The following RCAN1 variants were observed in gnomAD, a reference collection of about 807,000 sequenced individuals.
RCAN1 encodes calcipressin-1.
In RCAN1, 11 loss-of-function variants were observed where a neutral mutation model predicts 22.9. The ratio of observed to expected loss-of-function variants is 0.48; its 90% CI spans 0.30 to 0.79. The LOEUF (loss-of-function observed/expected upper bound fraction) is 0.79, where lower values mean the gene tolerates loss of function less well. Ranked by LOEUF, RCAN1 falls within the 30% of genes least tolerant of loss-of-function variation. RCAN1 has a pLI of 0.06. For synonymous variants in RCAN1, 136 were observed against 142.3 expected (o/e 0.96, Z 0.32); for missense variants, 291 against 337.8 (o/e 0.86, Z 1.09).
At chr21:34,599,430 C>T (rs530497194) in intron 1 of RCAN1, among the ~76,000 whole-genome samples, 61 of 152,168 alleles carry the variant, frequency 4.0e-4, no homozygotes, top group African/African-American at 1.3e-3. Context: ...GCCGAGATCA[C>T]GCCACTGCAC....
Position 34,530,223 on chromosome 21 carries a change from C to G in RCAN1, c.253-6513G>C, listed in dbSNP as rs1396079452. The stretch of plus-strand genomic sequence containing the variant: ...TCAACTGAGAGCTTTAGAAGTTTTG[C>G]ATTTCTTCCACTCACACCATAAAAA... On this transcript the variant is annotated intron_variant, in intron 1 of 3. Transcript: ENST00000313806. Among the ~76,000 whole-genome samples the G allele has an allele frequency of 3.3e-5, 5 of 152,330 alleles. No homozygotes were observed. The East Asian group carries it at 9.6e-4, about 29-fold the overall frequency.
intron 1 of RCAN1, chr21:34,526,950 C>T (rs75026481): frequency 0.034 from 46,892 of 1,380,328 alleles, 930 homozygotes; most frequent in Non-Finnish European, 0.039. Context: ...GTCCTGCATG[C>T]TTGCAGGCAG....
chr21:34,593,686 G>GT (rs1337300078), intron 1 of RCAN1, among the ~76,000 whole-genome samples: 1 of 152,206 alleles, frequency 6.6e-6, no homozygotes, highest in African/African-American at 2.4e-5. Context: ...GTGTTGGGAG[G>GT]TCGGGCTGAG....
At chr21:34,574,008 C>A (rs77465194) in intron 1 of RCAN1, among the ~76,000 whole-genome samples, 2,031 of 152,238 alleles carry the variant, frequency 0.013, 47 homozygotes, top group East Asian at 0.093. Flanking sequence ...AATCAAAGGG[C>A]AGAGCTTAAG....
At chr21:34,590,506 A>C (rs1460395435) in intron 1 of RCAN1, among the ~76,000 whole-genome samples, 2 of 152,260 alleles carry the variant, frequency 1.3e-5, no homozygotes, top group African/African-American at 4.8e-5. Flanking sequence ...CTACAGGCAA[A>C]AAAACTGTCC....
intron 1 of RCAN1, among the ~76,000 whole-genome samples, chr21:34,532,181 A>G (rs578165355): frequency 2.3e-4 from 35 of 152,220 alleles, no homozygotes; most frequent in South Asian, 4.2e-4. Flanking sequence ...GTGATCAGAC[A>G]TCACCTGACG....
chr21:34,556,673 A>G (rs941331988), intron 1 of RCAN1, among the ~76,000 whole-genome samples: 3 of 152,214 alleles, frequency 2.0e-5, no homozygotes, highest in Non-Finnish European at 4.4e-5. Context: ...ATTGTAATAC[A>G]GTCAGTAGCA....
intron 1 of RCAN1, among the ~76,000 whole-genome samples, chr21:34,540,334 G>A (rs1177954550): frequency 1.3e-5 from 2 of 152,150 alleles, no homozygotes; most frequent in Non-Finnish European, 1.5e-5. Context: ...GGCTCTTCCG[G>A]GGCTGGGTGC....
rs568499074 is a variant in RCAN1 at position 34,563,514 on chromosome 21, G to A, written c.253-39804C>T. The stretch of plus-strand genomic sequence containing the variant: ...GAGTGCTGGTTTATCAGCACCAAGG[G>A]CAGGGAAGCATGAAAAGGCTTCCAG... On this transcript the variant is annotated intron_variant, in intron 1 of 3. Transcript: ENST00000313806. 1.5e-3 allele frequency among the ~76,000 whole-genome samples: 225 copies of A among 152,096 alleles called. 1 individual carries two copies. Among genetic ancestry groups the A allele is most frequent in the African/African-American group, 5.1e-3 (212 of 41,486 alleles).
intron 1 of RCAN1, among the ~76,000 whole-genome samples, chr21:34,553,071 T>A (rs1036343716): frequency 2.2e-4 from 34 of 152,128 alleles, no homozygotes; most frequent in African/African-American, 8.0e-4. Flanking sequence ...ATGGCAGAGA[T>A]CTAGAAGCGG....
At chr21:34,524,945 G>A (rs545423560) in intron 1 of RCAN1, 9 of 1,384,256 alleles carry the variant, frequency 6.5e-6, no homozygotes, top group South Asian at 4.5e-5. Context: ...TCTAGTCGCC[G>A]GGTTTTGTGA....
intron 1 of RCAN1, among the ~76,000 whole-genome samples, chr21:34,541,784 A>G (rs1463076257): frequency 6.6e-6 from 1 of 152,196 alleles, no homozygotes; most frequent in Non-Finnish European, 1.5e-5. Context: ...AACACAAAAA[A>G]CTAGCCAGGC....
intron 3 of RCAN1, chr21:34,521,181 T>A: frequency 2.2e-6 from 3 of 1,360,044 alleles, no homozygotes; most frequent in Non-Finnish European, 2.8e-6. Context: ...CGACAGAACC[T>A]GGGGCCGGGG....
chr21:34,541,413 TCA>T (rs1445247022), intron 1 of RCAN1, among the ~76,000 whole-genome samples: 1 of 152,224 alleles, frequency 6.6e-6, no homozygotes, highest in Non-Finnish European at 1.5e-5. Context: ...AAGAATCTGC[TCA>T]GTGTAGGCGC....
intron 1 of RCAN1, among the ~76,000 whole-genome samples, chr21:34,549,451 A>C (rs1437468326): frequency 6.6e-6 from 1 of 152,174 alleles, no homozygotes; most frequent in Admixed American, 6.5e-5. Context: ...TGCATCTACC[A>C]GATGATTCAT....
intron 1 of RCAN1, among the ~76,000 whole-genome samples, chr21:34,568,950 G>A (rs900923726): frequency 2.0e-5 from 3 of 152,156 alleles, no homozygotes; most frequent in Non-Finnish European, 2.9e-5. Context: ...CTTACATGGC[G>A]GCGGCAAAGG....
At chr21:34,537,808 C>G (rs1374522803) in intron 1 of RCAN1, among the ~76,000 whole-genome samples, 2 of 151,214 alleles carry the variant, frequency 1.3e-5, no homozygotes, top group African/African-American at 2.5e-5. Context: ...GGGCATGGCC[C>G]TCACTCCCAC....
At chr21:34,552,241 A>G (rs1424960721) in intron 1 of RCAN1, among the ~76,000 whole-genome samples, 4 of 152,128 alleles carry the variant, frequency 2.6e-5, no homozygotes, top group Admixed American at 2.6e-4. Context: ...CAGTGGCATC[A>G]CCTGTGAGCT....
intron 1 of RCAN1, among the ~76,000 whole-genome samples, chr21:34,610,052 G>C (rs1291645516): frequency 2.6e-5 from 4 of 152,168 alleles, no homozygotes; most frequent in Non-Finnish European, 1.5e-5. Flanking sequence ...GGTGAAAAGT[G>C]AAAATGGCCT....
Sources: allele counts gnomAD v4.1 joint callset (sites outside exome capture counted in the v4.1 genomes callset), GRCh38; gene constraint gnomAD v4.1.1; transcripts MANE v1.5; gene names NCBI Gene and HGNC (gene_info 2026-07-23, HGNC 2026-07-21).